Variants in FAM120B observed in about 807,000 individuals in gnomAD.
FAM120B encodes the protein constitutive coactivator of peroxisome proliferator-activated receptor gamma.
FAM120B carries 83 observed loss-of-function variants against 96.3 expected under a neutral mutation model. The observed-to-expected ratio is 0.86, with a 90% CI of 0.72 to 1.03. The LOEUF is 1.03. Among genes scored for constraint, FAM120B ranks in the 50% least tolerant of loss-of-function variants. FAM120B has a pLI of 0.00. For missense variants in FAM120B, 1,027 were observed against 1,121.2 expected, an observed-to-expected ratio of 0.92 and a Z score of 1.20; for synonymous variants, 407 against 402.7, an observed-to-expected ratio of 1.01 and a Z score of -0.13.
rs980148188 is a variant in FAM120B, at chr6:170,404,977, A to G, written c.*226A>G. On this transcript the variant is annotated 3_prime_UTR_variant, in exon 11 of 11. Transcript: ENST00000476287. Reference sequence around the variant, plus strand: ...AGCTTGTGCCTGATTCTGTGGCCCAAAACAATCATTGTTAACATCTTCATG... The same window carrying G: ...AGCTTGTGCCTGATTCTGTGGCCCAGAACAATCATTGTTAACATCTTCATG... 4 of 212,828 alleles carry G rather than the reference A, an allele frequency of 1.9e-5. No homozygotes were observed. The highest frequency in any genetic ancestry group is 5.6e-5 in the Admixed American group (1 of 17,720). The allele number at this position is 212,828 out of a possible 1,614,324, so 13.2% of individuals were successfully genotyped here. A position where few individuals can be genotyped will look rare whatever the true frequency, so the allele number is the denominator to read the frequency against.
chr6:170,303,984 G>A (rs989319726), upstream of FAM120B, among the ~76,000 whole-genome samples: 31 of 152,168 alleles, frequency 2.0e-4, no homozygotes, highest in African/African-American at 6.5e-4. Context: ...CTCTCCTAGA[G>A]GCCTCTATCC....
chr6:170,293,976 A>G (rs2114972652), upstream of FAM120B, among the ~76,000 whole-genome samples: 1 of 152,272 alleles, frequency 6.6e-6, no homozygotes, highest in East Asian at 1.9e-4. Context: ...AGACAAGGGG[A>G]GCCCTTAGGG....
chr6:170,404,379 A>C, intron 9 of FAM120B, 171 bp from the exon 10 acceptor site: 1 of 538,370 alleles, frequency 1.9e-6, no homozygotes, highest in East Asian at 3.1e-5. Flanking sequence ...TAATGGAATA[A>C]TTATGGAACA....
chr6:170,378,112 T>C (rs929248757), intron 6 of FAM120B, among the ~76,000 whole-genome samples: 2 of 152,238 alleles, frequency 1.3e-5, no homozygotes, highest in Admixed American at 1.3e-4. Context: ...TGCCATAAAA[T>C]GCTCATTTCT....
At chr6:170,381,806 T>TAA (rs879410281) in intron 6 of FAM120B, among the ~76,000 whole-genome samples, 5 of 141,094 alleles carry the variant, frequency 3.5e-5, no homozygotes, top group African/African-American at 5.1e-5. Context: ...CATTCATGGT[T>TAA]AAAAAAAAAA....
At chr6:170,325,439 CCA>C (rs1329666176) in intron 3 of FAM120B, among the ~76,000 whole-genome samples, 1 of 151,836 alleles carries the variant, frequency 6.6e-6, no homozygotes, top group Non-Finnish European at 1.5e-5. Context: ...TCTTTTTTCC[CCA>C]CCTTATTTTC....
chr6:170,391,611 T>C (rs1428266641), intron 8 of FAM120B, among the ~76,000 whole-genome samples: 1 of 152,194 alleles, frequency 6.6e-6, no homozygotes, highest in Non-Finnish European at 1.5e-5. Context: ...CAGAAAGGAT[T>C]CGCTCATTAA....
At chr6:170,302,547 C>T (rs1303155264), upstream of FAM120B, among the ~76,000 whole-genome samples, 1 of 152,198 alleles carries the variant, frequency 6.6e-6, no homozygotes, top group African/African-American at 2.4e-5. Flanking sequence ...TTTAAAGGGT[C>T]AACTTGTTAC....
At chr6:170,330,104 A>G (rs1338965897) in intron 3 of FAM120B, among the ~76,000 whole-genome samples, 1 of 152,160 alleles carries the variant, frequency 6.6e-6, no homozygotes, top group African/African-American at 2.4e-5. Flanking sequence ...CAATTCCAGC[A>G]GTTTTCTTTA....
At position 170,405,820 on chromosome 6, in the gene FAM120B, G is replaced by C. The variant is rs1008162173; in HGVS notation, c.*1069G>C. 2 of 152,168 alleles carry C rather than the reference G, an allele frequency of 1.3e-5. No individual in the cohort carries two copies. The highest frequency in any genetic ancestry group is 1.3e-4 in the Admixed American group (2 of 15,276). 9.4% of individuals were successfully genotyped at this position (152,168 alleles called of 1,614,324 possible). The stretch of plus-strand genomic sequence containing the variant: ...TCATCCCTTTCGTTTCATTTTGCCA[G>C]GGCCTGGCTCAGGATTTTTTATGGC... On this transcript the variant is annotated 3_prime_UTR_variant, in exon 11 of 11. Coordinates refer to ENST00000476287, the MANE Select transcript of FAM120B (RefSeq NM_032448.3).
intron 1 of FAM120B, among the ~76,000 whole-genome samples, chr6:170,311,951 A>G (rs1784622939): frequency 6.6e-6 from 1 of 152,220 alleles, no homozygotes; most frequent in South Asian, 2.1e-4. Flanking sequence ...AGACTTATAT[A>G]CAAGGATGCG....
rs1391215615 is a variant in FAM120B, at chr6:170,318,187, C to T, written c.797C>T (p.Ala266Val). ...GACAAAAAAGGTAACATCATATTAG[C>T]TGTGTCAGACCATATATCGAAAGTT... ...NFDKKGNIIL[A>V]VSDHISKVLY... Residue 266 changes from alanine (A) to valine (V), a missense_variant, in exon 2 of 11, where the codon GCT becomes GTT. Physicochemically the swap from Ala to Val is moderately conservative, Grantham distance 64. This residue lies in a region of FAM120B where 880 missense variants were observed against 980.9 expected (regional missense o/e 0.90). Coordinates refer to ENST00000476287, the MANE Select transcript of FAM120B (RefSeq NM_032448.3). 1 of 1,614,052 alleles carries T rather than the reference C, an allele frequency of 6.2e-7. No homozygotes were observed. Among genetic ancestry groups the T allele is most frequent in the South Asian group, 1.1e-5 (1 of 91,050 alleles).
At chr6:170,332,572 C>T (rs1336349503) in intron 4 of FAM120B, among the ~76,000 whole-genome samples, 2 of 152,136 alleles carry the variant, frequency 1.3e-5, no homozygotes, top group Non-Finnish European at 2.9e-5. Context: ...GTGGCAGACA[C>T]CTGTAGTCTC....
chr6:170,321,335 A>G (rs1039256847), intron 2 of FAM120B, among the ~76,000 whole-genome samples: 15 of 152,200 alleles, frequency 9.9e-5, no homozygotes, highest in African/African-American at 3.1e-4. Flanking sequence ...GGATACACGC[A>G]TAACCACAGC....
chr6:170,335,594 G>A (rs1410102031), intron 4 of FAM120B, among the ~76,000 whole-genome samples: 2 of 152,108 alleles, frequency 1.3e-5, no homozygotes, highest in African/African-American at 4.8e-5. Context: ...TGGGTCAGAT[G>A]GTATTTCTGG....
chr6:170,296,827 C>T (rs1357411649), intron 1 of FAM120B, among the ~76,000 whole-genome samples: 1 of 152,192 alleles, frequency 6.6e-6, no homozygotes, highest in East Asian at 1.9e-4. Flanking sequence ...CTCCGCGCGG[C>T]GGCTCCTTTC....
chr6:170,395,583 A>T lies in FAM120B; in HGVS notation c.2692+4A>T, dbSNP rs758849941. Reference sequence around the variant, plus strand: ...CCGTGGAGAGACCAGGGACCAGGTAAGAAGGCCAGTGGTCACTCTGCTGGG... The same window carrying T: ...CCGTGGAGAGACCAGGGACCAGGTATGAAGGCCAGTGGTCACTCTGCTGGG... On this transcript the variant is annotated splice_donor_region_variant and intron_variant, in intron 9 of 10. Coordinates refer to ENST00000476287, the MANE Select transcript of FAM120B (RefSeq NM_032448.3). The T allele has an allele frequency of 1.7e-5, 27 of 1,585,430 alleles. No individual in the cohort carries two copies. Among genetic ancestry groups the T allele is most frequent in the Non-Finnish European group, 2.3e-5 (27 of 1,165,550 alleles).
chr6:170,392,590 G>A (rs368065440), intron 8 of FAM120B, among the ~76,000 whole-genome samples: 13 of 152,302 alleles, frequency 8.5e-5, no homozygotes, highest in African/African-American at 3.1e-4. Context: ...CCCTCCTTCA[G>A]TTCATGTTTA....
At chr6:170,357,966 GCACCTGTGCGTGTGCCTGTGTGTA>G (rs1788064626) in intron 5 of FAM120B, among the ~76,000 whole-genome samples, 2 of 152,166 alleles carry the variant, frequency 1.3e-5, no homozygotes, top group Admixed American at 6.5e-5. Context: ...GCCTGTTTGT[GCACCTGTGCGTGTGCCTGTGTGTA>G]CACCTGTGTG....
Sources: gnomAD v4.1 joint callset for allele counts (sites outside exome capture counted in the v4.1 genomes callset) on GRCh38, gnomAD v4.1.1 for gene constraint, gnomAD v4.1.1 regional missense constraint, MANE v1.5 for transcripts, NCBI Gene and HGNC (gene_info 2026-07-23, HGNC 2026-07-21) for gene names.